DSG3: variants seen among roughly 807,000 people sequenced by gnomAD.
DSG3 encodes the protein desmoglein 3.
Under a neutral mutation model 85.9 loss-of-function variants are expected in DSG3, and 63 were observed. The ratio of observed to expected loss-of-function variants is 0.73; its 90% confidence interval spans 0.60 to 0.90. The LOEUF (loss-of-function observed/expected upper bound fraction) is 0.90. Among genes scored for constraint, DSG3 ranks in the 40% least tolerant of loss-of-function variants. The pLI is 0.00. For synonymous variants in DSG3, 447 were observed against 441.9 expected (o/e 1.01, Z -0.14); for missense variants, 1,220 against 1,219.9 (o/e 1.00, Z 0.00).
chr18:31,460,626 G>A lies in DSG3; in HGVS notation c.685-207G>A, dbSNP rs16961964. Reference sequence around the variant, plus strand: ...TTGCCCATTTTTGCTCTAAGGTTACGGTAGAGTACAGTCCTGCCATAAGAA... The same window carrying A: ...TTGCCCATTTTTGCTCTAAGGTTACAGTAGAGTACAGTCCTGCCATAAGAA... On this transcript the variant is annotated intron_variant, in intron 6 of 15. Transcript: ENST00000257189. 8.0e-3 allele frequency among the ~76,000 whole-genome samples: 1,224 copies of A among 152,146 alleles called. 16 individuals carry two copies. The highest frequency in any genetic ancestry group is 0.027 in the African/African-American group (1,141 of 41,498).
intron 12 of DSG3, among the ~76,000 whole-genome samples, chr18:31,471,638 T>C (rs1271711796): frequency 1.3e-5 from 2 of 152,202 alleles, no homozygotes; most frequent in Non-Finnish European, 2.9e-5. Flanking sequence ...TCAGTTCACA[T>C]GAGAATGACA....
rs961402012 is a variant in DSG3, at chr18:31,459,124, C to T, written c.464C>T (p.Pro155Leu). 2.5e-5 allele frequency: 41 copies of T among 1,613,040 alleles called. No homozygotes were observed. Among genetic ancestry groups the T allele is most frequent in the Non-Finnish European group, 3.2e-5 (38 of 1,179,834 alleles). The part of the protein sequence containing the change: ...VKILDINDNP[P>L]VFSQQIFMGE... Reference sequence around the variant, plus strand: ...ATTTTGGATATTAATGATAATCCTCCAGTATTTTCACAACAAATTTTCATG... The same window carrying T: ...ATTTTGGATATTAATGATAATCCTCTAGTATTTTCACAACAAATTTTCATG... The change falls in exon 5 of 16, where the codon CCA becomes CTA. Residue 155 changes from proline (P) to leucine (L), a missense_variant. Coordinates refer to ENST00000257189, the MANE Select transcript of DSG3 (RefSeq NM_001944.3).
rs2072889525 is a variant in DSG3, at chr18:31,476,551, T to C, written c.*291T>C. On this transcript the variant is annotated 3_prime_UTR_variant, in exon 16 of 16. Coordinates refer to ENST00000257189, the MANE Select transcript of DSG3 (RefSeq NM_001944.3). ...CTAAACATTCTTAAGCTTCTATTTT[T>C]CCCCTGCCAAAGGAAGGTGTTTATC... 3 of 290,944 alleles carry C rather than the reference T, an allele frequency of 1.0e-5. No homozygotes were observed. Among genetic ancestry groups the C allele is most frequent in the South Asian group, 1.1e-4 (1 of 9,358 alleles). 18.0% of individuals were successfully genotyped at this position (290,944 alleles called of 1,614,324 possible). A position where few individuals can be genotyped will look rare whatever the true frequency, so the allele number is the denominator to read the frequency against.
At position 31,477,159 on chromosome 18, in the gene DSG3, C is replaced by T. The variant is rs903250373; in HGVS notation, c.*899C>T. On this transcript the variant is annotated 3_prime_UTR_variant, in exon 16 of 16. Coordinates refer to ENST00000257189, the MANE Select transcript of DSG3 (RefSeq NM_001944.3). The stretch of plus-strand genomic sequence containing the variant: ...TACATCTATATTTCACATATTCTCA[C>T]AATAAGAGAATTTTGAAATAGAAAT... 1.3e-5 allele frequency: 2 copies of T among 151,866 alleles called. No individual in the cohort carries two copies. The highest frequency in any genetic ancestry group is 4.8e-5 in the African/African-American group (2 of 41,286). The allele number at this position is 151,866 out of a possible 1,614,324, so 9.4% of individuals were successfully genotyped here. A position where few individuals can be genotyped will look rare whatever the true frequency, so the allele number is the denominator to read the frequency against.
rs766993365 is a variant in DSG3, at chr18:31,459,961, A to T, written c.634A>T (p.Ser212Cys). Reference sequence around the variant, plus strand: ...AGCAGGCACACCCATGTTCCTCCTAAGCAGAAACACTGGGGAAGTCCGTAC... The same window carrying T: ...AGCAGGCACACCCATGTTCCTCCTATGCAGAAACACTGGGGAAGTCCGTAC... Reference protein sequence around the residue: ...EPAGTPMFLLSRNTGEVRTLT... With the variant: ...EPAGTPMFLLCRNTGEVRTLT... The change falls in exon 6 of 16, where the codon AGC becomes TGC. Residue 212 changes from serine (S) to cysteine (C), a missense_variant. Physicochemically the swap from Ser to Cys is moderately radical, Grantham distance 112. Transcript: ENST00000257189. 4.3e-6 allele frequency: 7 copies of T among 1,613,964 alleles called. No homozygotes were observed. The African/African-American group carries it at 9.3e-5, about 22-fold the overall frequency.
At chr18:31,472,939 A>G in intron 14 of DSG3, 151 bp downstream of exon 14, 2 of 673,796 alleles carry the variant, frequency 3.0e-6, no homozygotes, top group South Asian at 2.1e-5. Context: ...CTGTTTTAAT[A>G]TTTTTATATT....
intron 8 of DSG3, among the ~76,000 whole-genome samples, chr18:31,462,401 G>A (rs982963691): frequency 1.2e-4 from 19 of 152,144 alleles, no homozygotes; most frequent in African/African-American, 4.3e-4. Flanking sequence ...TTCTATGAGA[G>A]CGTCCTTATT....
At position 31,466,539 on chromosome 18, in the gene DSG3, G is replaced by A. The variant is rs779976603; in HGVS notation, c.1421G>A (p.Gly474Asp). 53 of 1,613,880 alleles carry A rather than the reference G, an allele frequency of 3.3e-5. No homozygotes were observed. Among genetic ancestry groups the A allele is most frequent in the Admixed American group, 1.2e-4 (7 of 59,994 alleles). The change falls in exon 11 of 16, where the codon GGT (glycine) becomes GAT (aspartate). Residue 474 changes from glycine to aspartate, a missense_variant. By Grantham distance (94) the Gly-to-Asp change is moderately conservative. Coordinates refer to ENST00000257189, the MANE Select transcript of DSG3 (RefSeq NM_001944.3). ...AACATTGTTCTTACAGAATACACGGGTAAAACTTCTACAGGCACGGTATAT... is the reference window on the plus strand; with the variant it reads ...AACATTGTTCTTACAGAATACACGGATAAAACTTCTACAGGCACGGTATAT... ...AEVLAIDEYT[G>D]KTSTGTVYVR...
intron 8 of DSG3, among the ~76,000 whole-genome samples, chr18:31,462,335 G>T (rs1040836179): frequency 6.6e-6 from 1 of 152,176 alleles, no homozygotes; most frequent in Non-Finnish European, 1.5e-5. Flanking sequence ...GCCTCCCAAA[G>T]TACTGGGATT....
chr18:31,466,640 T>A lies in DSG3; in HGVS notation c.1522T>A (p.Ser508Thr). The A allele has an allele frequency of 6.2e-7, 1 of 1,614,206 alleles. No individual in the cohort carries two copies. Among genetic ancestry groups the A allele is most frequent in the Non-Finnish European group, 8.5e-7 (1 of 1,180,040 alleles). Residue 508 changes from serine to threonine, a missense_variant, in exon 11 of 16, where the codon TCC becomes ACC. Coordinates refer to ENST00000257189, the MANE Select transcript of DSG3 (RefSeq NM_001944.3). ...EKDAVCSSSP[S>T]VVVSARTLNN... ...AGATGCAGTTTGCAGTTCTTCACCT[T>A]CCGTGGTTGTCTCCGCTAGAACACT...
intron 9 of DSG3, among the ~76,000 whole-genome samples, chr18:31,464,655 A>G (rs141473924): frequency 6.6e-6 from 1 of 152,328 alleles, no homozygotes; most frequent in East Asian, 1.9e-4. Flanking sequence ...TGTCTCATGG[A>G]AACTTACAGT....
Position 31,464,185 on chromosome 18 carries a change from A to G in DSG3, c.1074A>G (p.Ser358=). 1.2e-6 allele frequency: 2 copies of G among 1,614,150 alleles called. No homozygotes were observed. The highest frequency in any genetic ancestry group is 1.7e-6 in the Non-Finnish European group (2 of 1,179,998). ...AVKNKAEFHQ[S]VISRYRVQST... is the part of the protein sequence containing the mutation. Reference sequence around the variant, plus strand: ...AAAACAAAGCTGAATTTCACCAATCAGTTATCTCTCGATACCGAGTTCAGT... The same window carrying G: ...AAAACAAAGCTGAATTTCACCAATCGGTTATCTCTCGATACCGAGTTCAGT... Residue 358 remains serine, a synonymous_variant, in exon 9 of 16, where the codon TCA becomes TCG. Coordinates refer to ENST00000257189, the MANE Select transcript of DSG3 (RefSeq NM_001944.3).
intron 12 of DSG3, among the ~76,000 whole-genome samples, chr18:31,470,845 A>G (rs903423216): frequency 6.6e-6 from 1 of 152,210 alleles, no homozygotes; most frequent in African/African-American, 2.4e-5. Flanking sequence ...GGAATCACAC[A>G]GCCTTCGAAG....
chr18:31,465,532 T>C, intron 10 of DSG3, 75 bp downstream of exon 10: 1 of 1,237,376 alleles, frequency 8.1e-7, no homozygotes, highest in Non-Finnish European at 1.1e-6. Context: ...ATGATTATGA[T>C]TATTCAACAT....
chr18:31,450,817 G>A (rs2144258772), intron 1 of DSG3, among the ~76,000 whole-genome samples: 1 of 152,274 alleles, frequency 6.6e-6, no homozygotes, highest in Non-Finnish European at 1.5e-5. Flanking sequence ...GAAAGATGAA[G>A]TGATTTGTAA....
chr18:31,469,563 G>A (rs780710516), intron 12 of DSG3, among the ~76,000 whole-genome samples: 4 of 152,104 alleles, frequency 2.6e-5, no homozygotes, highest in Non-Finnish European at 4.4e-5. Context: ...AGTTATATAT[G>A]TCAGACATTT....
Position 31,475,989 on chromosome 18 carries a change from T to A in DSG3, c.2729T>A (p.Leu910Ter), listed in dbSNP as rs535611068. Residue 910 changes from leucine (L) to a stop codon, truncating the protein, a stop_gained, in exon 16 of 16, where the codon TTG (leucine) becomes TAG (stop). Coordinates refer to ENST00000257189, the MANE Select transcript of DSG3 (RefSeq NM_001944.3). LOFTEE classifies it low-confidence loss of function (END_TRUNC). ...TCAGGAAGTCAAGGAGCTTCTGCTT[T>A]GTCCACCTCTGGGTCTGTCCAGCCA... ...TLSGSQGASA[L>*]STSGSVQPAV... The A allele has an allele frequency of 6.2e-7, 1 of 1,614,216 alleles. No homozygotes were observed. The highest frequency in any genetic ancestry group is 2.2e-5 in the East Asian group (1 of 44,884).
At chr18:31,450,485 G>A (rs1395093609) in intron 1 of DSG3, among the ~76,000 whole-genome samples, 2 of 152,150 alleles carry the variant, frequency 1.3e-5, no homozygotes, top group African/African-American at 4.8e-5. Flanking sequence ...TGTGGTCATG[G>A]GGGGGAAAAG....
At chr18:31,459,247 C>A in intron 5 of DSG3, 70 bp downstream of exon 5, 2 of 1,391,080 alleles carry the variant, frequency 1.4e-6, no homozygotes, top group South Asian at 1.4e-5. Flanking sequence ...TACAATATGT[C>A]ATTCTTATAA....
Sources: allele counts gnomAD v4.1 joint callset (sites outside exome capture counted in the v4.1 genomes callset), GRCh38; gene constraint gnomAD v4.1.1; transcripts MANE v1.5; gene names NCBI Gene and HGNC (gene_info 2026-07-23, HGNC 2026-07-21).